Variants in BRAF observed in about 807,000 individuals in gnomAD.
The protein encoded by BRAF is serine/threonine-protein kinase B-raf.
Under a neutral mutation model 104.6 loss-of-function variants are expected in BRAF, and 16 were observed. That is an observed-to-expected ratio of 0.15 (90% CI 0.10 to 0.23). The LOEUF is 0.23. Ranked by LOEUF, BRAF falls within the 10% of genes least tolerant of loss-of-function variation. The probability of loss-of-function intolerance (pLI) is 1.00; values close to 1 mark genes in which losing one functional copy is unlikely to be tolerated. For missense variants in BRAF, 541 were observed against 937.3 expected (o/e 0.58, Z 5.52); for synonymous variants, 310 against 341.6 (o/e 0.91, Z 1.02).
chr7:140,899,964 A>G (rs1053699780), intron 1 of BRAF, among the ~76,000 whole-genome samples: 12 of 152,320 alleles, frequency 7.9e-5, no homozygotes, highest in Admixed American at 5.9e-4. Flanking sequence ...CCTTCTAGAA[A>G]GCCAGCTCTG....
At position 140,770,206 on chromosome 7, in the gene BRAF, T is replaced by C. The variant is rs116179096; in HGVS notation, c.1814+6706A>G. 3.2e-3 allele frequency among the ~76,000 whole-genome samples: 495 copies of C among 152,314 alleles called. 2 individuals are homozygous for C. Among genetic ancestry groups the C allele is most frequent in the African/African-American group, 0.011 (473 of 41,562 alleles). ...ACCGACCAGAAAATTATGTTCACTATAATTAAATATTCTTCGGCCACTTAG... is the reference window on the plus strand; with the variant it reads ...ACCGACCAGAAAATTATGTTCACTACAATTAAATATTCTTCGGCCACTTAG... On this transcript the variant is annotated intron_variant, in intron 14 of 19. Transcript: ENST00000644969.
chr7:140,753,910 C>T, intron 15 of BRAF: 2 of 494,012 alleles, frequency 4.0e-6, no homozygotes, highest in Admixed American at 6.5e-5. Context: ...ACAAAACTAT[C>T]AGTTTTATAG....
At chr7:140,854,978 C>G (rs1809614341) in intron 1 of BRAF, among the ~76,000 whole-genome samples, 1 of 151,920 alleles carries the variant, frequency 6.6e-6, no homozygotes, top group Non-Finnish European at 1.5e-5. Context: ...ATAATATTGG[C>G]TAGGTATAGT....
Position 140,721,769 on chromosome 7 carries a change from A to G in BRAF, c.*4725T>C. ...AGGAATGAAACAAGATACAAGAACC[A>G]CAGCATGGAATATGTTTTCTTTTAC... On this transcript the variant is annotated 3_prime_UTR_variant, in exon 20 of 20. Coordinates refer to ENST00000644969, the MANE Select transcript of BRAF (RefSeq NM_001374258.1). 1 of 1,472,736 alleles carries G rather than the reference A, an allele frequency of 6.8e-7. No individual in the cohort carries two copies. The highest frequency in any genetic ancestry group is 1.4e-5 in the South Asian group (1 of 73,228). 91.2% of individuals were successfully genotyped at this position (1,472,736 alleles called of 1,614,324 possible).
At chr7:140,741,003 T>G (rs939237800) in intron 17 of BRAF, 1 of 152,150 alleles carries the variant, frequency 6.6e-6, no homozygotes, top group Non-Finnish European at 1.5e-5. Context: ...GGGAGCAACC[T>G]GGAATAATAT....
At chr7:140,755,950 AT>A (rs1798167606) in intron 14 of BRAF, among the ~76,000 whole-genome samples, 2 of 152,276 alleles carry the variant, frequency 1.3e-5, no homozygotes, top group South Asian at 4.1e-4. Flanking sequence ...GGCTTCAACC[AT>A]ATCAAAATAC....
chr7:140,885,239 G>A (rs976586036), intron 1 of BRAF, among the ~76,000 whole-genome samples: 8 of 152,182 alleles, frequency 5.3e-5, no homozygotes, highest in South Asian at 2.1e-4. Context: ...CTGACCTCAA[G>A]TGATCTGCCC....
chr7:140,854,262 T>C (rs148343258), intron 1 of BRAF, among the ~76,000 whole-genome samples: 1 of 152,374 alleles, frequency 6.6e-6, no homozygotes, highest in African/African-American at 2.4e-5. Context: ...CATAATTTGA[T>C]AACATAAAGT....
At chr7:140,764,244 A>G (rs1208949564) in intron 14 of BRAF, among the ~76,000 whole-genome samples, 1 of 151,684 alleles carries the variant, frequency 6.6e-6, no homozygotes, top group Non-Finnish European at 1.5e-5. Context: ...ACAAAATTCA[A>G]CAACCCTTCA....
intron 1 of BRAF, among the ~76,000 whole-genome samples, chr7:140,898,093 T>C (rs377171667): frequency 6.6e-6 from 1 of 152,092 alleles, no homozygotes; most frequent in East Asian, 1.9e-4. Context: ...CCCAGTTACT[T>C]AGGCTGAGGC....
chr7:140,747,015 T>C (rs1388339022), intron 17 of BRAF, among the ~76,000 whole-genome samples: 3 of 152,214 alleles, frequency 2.0e-5, no homozygotes, highest in East Asian at 1.9e-4. Flanking sequence ...GGTATTCACA[T>C]TGCATAGTAA....
chr7:140,838,770 T>G (rs1435966243), intron 2 of BRAF, among the ~76,000 whole-genome samples: 1 of 152,102 alleles, frequency 6.6e-6, no homozygotes, highest in African/African-American at 2.4e-5. Flanking sequence ...AACACACATA[T>G]AGAACAGAAT....
intron 1 of BRAF, among the ~76,000 whole-genome samples, chr7:140,853,421 C>G (rs1171427785): frequency 6.6e-6 from 1 of 152,042 alleles, no homozygotes; most frequent in Non-Finnish European, 1.5e-5. Context: ...GCTCAAAACC[C>G]TCCACTGGCT....
chr7:140,812,986 A>T (rs1448896494), intron 3 of BRAF, among the ~76,000 whole-genome samples: 2 of 152,188 alleles, frequency 1.3e-5, no homozygotes, highest in Non-Finnish European at 2.9e-5. Context: ...CTTCAAATGA[A>T]AAAGGCTTTT....
rs727502904 is a variant in BRAF at position 140,734,763 on chromosome 7, G to C, written c.2255C>G (p.Ala752Gly). ...DERPLFPQILASIELLARSLP... is the reference protein window; with the variant it reads ...DERPLFPQILGSIELLARSLP... ...TGAGCGGGCCAGCAGCTCAATAGAG[G>C]CGAGAATCTACAAAAAAAAAAAGAA... Residue 752 changes from alanine (A) to glycine (G), a missense_variant, in exon 19 of 20, where the codon GCC becomes GGC. By Grantham distance (60) the Ala-to-Gly change is moderately conservative (BLOSUM62 0). This residue lies in a region of BRAF where 129 missense variants were observed against 285.8 expected (regional missense o/e 0.45). Transcript: ENST00000644969. The C allele has an allele frequency of 7.2e-7, 1 of 1,383,072 alleles. No individual in the cohort carries two copies. The highest frequency in any genetic ancestry group is 9.4e-7 in the Non-Finnish European group (1 of 1,069,142). The allele number at this position is 1,383,072 out of a possible 1,614,324, so 85.7% of individuals were successfully genotyped here. A position where few individuals can be genotyped will look rare whatever the true frequency, so the allele number is the denominator to read the frequency against.
intron 14 of BRAF, among the ~76,000 whole-genome samples, chr7:140,770,706 C>T (rs778751726): frequency 6.6e-5 from 10 of 151,878 alleles, no homozygotes; most frequent in Non-Finnish European, 1.2e-4. Flanking sequence ...GAGGCCGAGG[C>T]GGGCAGATCA....
intron 1 of BRAF, among the ~76,000 whole-genome samples, chr7:140,903,500 A>G (rs1336430932): frequency 6.6e-6 from 1 of 152,232 alleles, no homozygotes; most frequent in African/African-American, 2.4e-5. Flanking sequence ...TGGTCACCCA[A>G]GAGCTCTGAT....
At chr7:140,815,933 A>AT (rs1165453113) in intron 3 of BRAF, among the ~76,000 whole-genome samples, 1 of 152,152 alleles carries the variant, frequency 6.6e-6, no homozygotes, top group Non-Finnish European at 1.5e-5. Flanking sequence ...TAAAGGTGAC[A>AT]TTTTTTACTG....
intron 14 of BRAF, among the ~76,000 whole-genome samples, chr7:140,771,619 G>C (rs890738757): frequency 6.6e-6 from 1 of 152,182 alleles, no homozygotes; most frequent in Non-Finnish European, 1.5e-5. Flanking sequence ...TTGGTGAGCA[G>C]TCAGAAAAGA....
Sources: gnomAD v4.1 joint callset for allele counts (sites outside exome capture counted in the v4.1 genomes callset) on GRCh38, gnomAD v4.1.1 for gene constraint, gnomAD v4.1.1 regional missense constraint, MANE v1.5 for transcripts, NCBI Gene and HGNC (gene_info 2026-07-23, HGNC 2026-07-21) for gene names.